The following TYW1B variants were observed in gnomAD, a reference collection of about 807,000 sequenced individuals.
The protein encoded by TYW1B is tRNA-yW synthesizing protein 1 homolog B.
In TYW1B, 73 loss-of-function variants were observed where a neutral mutation model predicts 86.9. The ratio of observed to expected loss-of-function variants is 0.84; its 90% CI spans 0.70 to 1.02. The LOEUF is 1.02. Ranked by LOEUF, TYW1B falls within the 50% of genes least tolerant of loss-of-function variation. TYW1B has a pLI of 0.00. For synonymous variants in TYW1B, 248 were observed against 292.8 expected (o/e 0.85, Z 1.56); for missense variants, 637 against 827.4 (o/e 0.77, Z 2.82).
At chr7:72,748,216 C>T (rs1554464207) in intron 7 of TYW1B, among the ~76,000 whole-genome samples, 2 of 152,026 alleles carry the variant, frequency 1.3e-5, no homozygotes, top group African/African-American at 4.8e-5. Flanking sequence ...TTGCAGTGAG[C>T]CGAGATGGCG....
At chr7:72,597,471 A>C (rs71553241) in intron 13 of TYW1B, among the ~76,000 whole-genome samples, 19,425 of 123,970 alleles carry the variant, frequency 0.16, 151 homozygotes, top group African/African-American at 0.27. Context: ...TAAAAATAAA[A>C]AGCATTCTAG....
chr7:72,690,942 G>A (rs1222182760), intron 11 of TYW1B, among the ~76,000 whole-genome samples: 4 of 151,968 alleles, frequency 2.6e-5, no homozygotes, highest in Non-Finnish European at 4.4e-5. Context: ...TAGTAGAGAC[G>A]GGGTTTCACC....
chr7:72,602,470 G>A (rs551787295), intron 13 of TYW1B, among the ~76,000 whole-genome samples: 2 of 152,222 alleles, frequency 1.3e-5, no homozygotes, highest in East Asian at 1.9e-4. Flanking sequence ...GTATTTCTCT[G>A]CTTTGTCAGC....
intron 5 of TYW1B, among the ~76,000 whole-genome samples, chr7:72,804,985 T>C (rs1206456352): frequency 6.6e-6 from 1 of 152,140 alleles, no homozygotes; most frequent in Non-Finnish European, 1.5e-5. Context: ...CTATTTCGTC[T>C]TCACATCAAA....
chr7:72,805,040 C>T (rs1788469353), intron 5 of TYW1B, among the ~76,000 whole-genome samples: 1 of 151,904 alleles, frequency 6.6e-6, no homozygotes, highest in Admixed American at 6.6e-5. Context: ...TGGGAAACTT[C>T]AAAAGTTATC....
intron 8 of TYW1B, among the ~76,000 whole-genome samples, chr7:72,736,581 G>C (rs1334671055): frequency 1.3e-5 from 2 of 152,056 alleles, no homozygotes; most frequent in Non-Finnish European, 2.9e-5. Context: ...TAAACGTTTT[G>C]TCATTCCCAA....
chr7:72,682,086 C>A (rs1221362813), intron 11 of TYW1B, among the ~76,000 whole-genome samples: 2 of 151,786 alleles, frequency 1.3e-5, no homozygotes, highest in Non-Finnish European at 2.9e-5. Context: ...CTGTGTTGGC[C>A]AGGCTGGTCT....
At chr7:72,623,375 C>A (rs1812272202) in intron 12 of TYW1B, among the ~76,000 whole-genome samples, 1 of 151,962 alleles carries the variant, frequency 6.6e-6, no homozygotes, top group African/African-American at 2.4e-5. Context: ...TTTATATGAC[C>A]TTGAGGTACC....
rs1207411886 is a variant in TYW1B at position 72,758,458 on chromosome 7, T to TTCTCTTAGAAAAAAATTTTTC, written c.965-13878_965-13858dup. On this transcript the variant is annotated intron_variant, in intron 7 of 13. Transcript: ENST00000620995. ...TTTTTCTCTTAGAAAAAACATTTTT[T>TTCTCTTAGAAAAAAATTTTTC]TCTCTTAGAAAAAAATTTTTCTCTC... 2.0e-4 allele frequency among the ~76,000 whole-genome samples: 30 copies of TTCTCTTAGAAAAAAATTTTTC among 151,990 alleles called. 1 individual carries two copies. The highest frequency in any genetic ancestry group is 6.8e-4 in the African/African-American group (28 of 41,440).
At chr7:72,761,618 A>G (rs1554467189) in intron 7 of TYW1B, among the ~76,000 whole-genome samples, 1 of 151,676 alleles carries the variant, frequency 6.6e-6, no homozygotes, top group East Asian at 1.9e-4. Context: ...AGTTTTTTTT[A>G]ATTTAAAAAT....
At chr7:72,762,335 T>C (rs1370887484) in intron 7 of TYW1B, among the ~76,000 whole-genome samples, 1 of 152,164 alleles carries the variant, frequency 6.6e-6, no homozygotes, top group Admixed American at 6.6e-5. Context: ...TGCAAATGAT[T>C]TGCAGGTCAC....
intron 6 of TYW1B, among the ~76,000 whole-genome samples, chr7:72,787,987 T>C (rs1429978612): frequency 1.3e-4 from 19 of 151,912 alleles, no homozygotes; most frequent in African/African-American, 4.6e-4. Context: ...TCATTCTTTT[T>C]TTCTTTTTGA....
chr7:72,694,039 C>A (rs537189366), intron 11 of TYW1B, among the ~76,000 whole-genome samples: 2 of 152,200 alleles, frequency 1.3e-5, no homozygotes, highest in East Asian at 1.9e-4. Context: ...TGGCTCACTG[C>A]GGCCTCCACC....
Position 72,616,740 on chromosome 7 carries a change from G to A in TYW1B, c.1717C>T (p.Leu573=), listed in dbSNP as rs782676353. Reference sequence around the variant, plus strand: ...CATGCAATTTCATATTCGGGGATCAGATCCACCAGCTCGCGGACAAACTGT... The same window carrying A: ...CATGCAATTTCATATTCGGGGATCAAATCCACCAGCTCGCGGACAAACTGT... ...VVQFVRELVD[L]IPEYEIACEH... The change falls in exon 13 of 14, where the codon CTG becomes TTG. Residue 573 remains leucine, a synonymous_variant. Coordinates refer to ENST00000620995, the MANE Select transcript of TYW1B (RefSeq NM_001145440.3). The A allele has an allele frequency of 6.8e-6, 11 of 1,614,124 alleles. No individual in the cohort carries two copies. Among genetic ancestry groups the A allele is most frequent in the African/African-American group, 1.3e-5 (1 of 74,940 alleles).
At chr7:72,783,640 T>G (rs532428223) in intron 6 of TYW1B, among the ~76,000 whole-genome samples, 55 of 152,344 alleles carry the variant, frequency 3.6e-4, no homozygotes, top group African/African-American at 1.2e-3. Context: ...TCACCATTAC[T>G]CAAAGCTTTT....
At chr7:72,694,548 C>A in intron 11 of TYW1B, 139 bp downstream of exon 11, 2 of 1,252,960 alleles carry the variant, frequency 1.6e-6, no homozygotes, top group African/African-American at 1.5e-5. Flanking sequence ...AAAAGTTGAA[C>A]GCTATATTTC....
intron 8 of TYW1B, among the ~76,000 whole-genome samples, chr7:72,729,273 G>C (rs556976987): frequency 6.6e-6 from 1 of 152,062 alleles, no homozygotes; most frequent in Non-Finnish European, 1.5e-5. Flanking sequence ...TGTCATCTAC[G>C]TCGACACTTC....
chr7:72,755,393 T>C (rs1382454641), intron 7 of TYW1B, among the ~76,000 whole-genome samples: 1 of 152,058 alleles, frequency 6.6e-6, no homozygotes, highest in Non-Finnish European at 1.5e-5. Context: ...CACTCCAGCC[T>C]GGCCGGGCGT....
At chr7:72,683,755 G>A (rs782390189) in intron 11 of TYW1B, among the ~76,000 whole-genome samples, 1 of 152,140 alleles carries the variant, frequency 6.6e-6, no homozygotes, top group Non-Finnish European at 1.5e-5. Flanking sequence ...AAAGTTTAAA[G>A]AGATAGCACA....
Sources: allele counts gnomAD v4.1 joint callset (sites outside exome capture counted in the v4.1 genomes callset), GRCh38; gene constraint gnomAD v4.1.1; transcripts MANE v1.5; gene names NCBI Gene and HGNC (gene_info 2026-07-23, HGNC 2026-07-21).